Variants in SLC39A9 observed in about 807,000 individuals in gnomAD.
SLC39A9 encodes the protein zinc transporter ZIP9.
In SLC39A9, 14 loss-of-function variants were observed where a neutral mutation model predicts 28.4. That is an observed-to-expected ratio of 0.49 (90% CI 0.33 to 0.77). The LOEUF (loss-of-function observed/expected upper bound fraction) is 0.77, where lower values mean the gene tolerates loss of function less well. Ranked by LOEUF, SLC39A9 falls within the 30% of genes least tolerant of loss-of-function variation. The pLI, the probability that SLC39A9 is intolerant of heterozygous loss-of-function variation, is 0.02. For missense variants in SLC39A9, 283 were observed against 381.1 expected (o/e 0.74, Z 2.14); for synonymous variants, 119 against 149.6 (o/e 0.80, Z 1.49).
At chr14:69,402,690 GAAAA>G (rs1187767630) in intron 1 of SLC39A9, among the ~76,000 whole-genome samples, 1 of 151,336 alleles carries the variant, frequency 6.6e-6, no homozygotes. Context: ...TAAAACAAAG[GAAAA>G]AAAATCCGAT....
intron 2 of SLC39A9, among the ~76,000 whole-genome samples, chr14:69,438,918 A>T (rs540222222): frequency 1.3e-5 from 2 of 152,316 alleles, no homozygotes; most frequent in Admixed American, 1.3e-4. Context: ...AATAAAATAT[A>T]GGGGGCCCTA....
rs551033092 is a variant in SLC39A9 at position 69,442,096 on chromosome 14, A to G, written c.233A>G (p.His78Arg). The G allele has an allele frequency of 4.8e-5, 78 of 1,614,224 alleles. No individual in the cohort carries two copies. In the South Asian group the frequency reaches 7.7e-4, roughly 16 times the overall value. The change falls in exon 3 of 7, where the codon CAT (histidine) becomes CGT (arginine). Residue 78 changes from histidine (H) to arginine (R), a missense_variant. Physicochemically the swap from His to Arg is conservative, Grantham distance 29. Coordinates refer to ENST00000336643, the MANE Select transcript of SLC39A9 (RefSeq NM_018375.5). Reference sequence around the variant, plus strand: ...AAACACCACCAAGCAAGTGAAACACATAATGTGATTGCATCAGACAAAGCA... The same window carrying G: ...AAACACCACCAAGCAAGTGAAACACGTAATGTGATTGCATCAGACAAAGCA... ...EGKHHQASET[H>R]NVIASDKAAE...
intron 2 of SLC39A9, among the ~76,000 whole-genome samples, chr14:69,430,946 TTTTGGCTTTCCATAAACTTC>T (rs1387735479): frequency 6.6e-6 from 1 of 152,210 alleles, no homozygotes; most frequent in African/African-American, 2.4e-5. Context: ...TTGAAAATTG[TTTTGGCTTTCCATAAACTTC>T]TTTGCCTTTC....
At chr14:69,399,603 C>T in intron 1 of SLC39A9, 138 bp downstream of exon 1, 1 of 644,952 alleles carries the variant, frequency 1.6e-6, no homozygotes, top group South Asian at 2.0e-5. Context: ...TTAAAAGATA[C>T]ATGACACTTA....
At chr14:69,430,272 C>T (rs183966785) in intron 2 of SLC39A9, among the ~76,000 whole-genome samples, 2 of 152,104 alleles carry the variant, frequency 1.3e-5, no homozygotes, top group Non-Finnish European at 2.9e-5. Context: ...TTGCTGAGCC[C>T]GAATTCACAA....
chr14:69,454,762 ATTGTTG>A, intron 4 of SLC39A9, 44 bp from the exon 5 acceptor site: 1 of 1,463,766 alleles, frequency 6.8e-7, no homozygotes, highest in Non-Finnish European at 9.6e-7. Context: ...CTACACTGTT[ATTGTTG>A]TTGTTGTTTA....
At chr14:69,403,107 AAAAT>A (rs1221338876) in intron 1 of SLC39A9, among the ~76,000 whole-genome samples, 4 of 152,118 alleles carry the variant, frequency 2.6e-5, no homozygotes, top group African/African-American at 7.2e-5. Flanking sequence ...TAAATAAATA[AAAAT>A]AAATAAATAA....
intron 6 of SLC39A9, 62 bp downstream of exon 6, chr14:69,455,928 C>A: frequency 1.3e-6 from 2 of 1,562,730 alleles, no homozygotes; most frequent in South Asian, 1.2e-5. Flanking sequence ...AATTTATGAT[C>A]TCTTAGATTG....
In SLC39A9 at chr14:69,434,482, T is replaced by G. The variant is rs550130342; in HGVS notation, c.206-7587T>G. Among the ~76,000 whole-genome samples, 4 of 151,998 alleles carry G rather than the reference T, an allele frequency of 2.6e-5. No individual in the cohort carries two copies. The East Asian group carries it at 7.8e-4, about 30-fold the overall frequency. On this transcript the variant is annotated intron_variant, in intron 2 of 6. Transcript: ENST00000336643. ...AGCTGGATAACTTCAGACCAGGAGT[T>G]TGAGATTAACCTGAGCTACATATGA...
In SLC39A9 at chr14:69,422,193, A is replaced by G. The variant is rs563860794; in HGVS notation, c.97-1901A>G. Reference sequence around the variant, plus strand: ...TAAAAGAAACAAACAGATGAAGTTCATGATGTACCATTAAATTATTGAAAC... The same window carrying G: ...TAAAAGAAACAAACAGATGAAGTTCGTGATGTACCATTAAATTATTGAAAC... On this transcript the variant is annotated intron_variant, in intron 1 of 6. Coordinates refer to ENST00000336643, the MANE Select transcript of SLC39A9 (RefSeq NM_018375.5). Among the ~76,000 whole-genome samples, 12 of 152,350 alleles carry G rather than the reference A, an allele frequency of 7.9e-5. No homozygotes were observed. The South Asian group carries it at 2.5e-3, about 32-fold the overall frequency.
chr14:69,448,668 A>G (rs891980863), intron 3 of SLC39A9, among the ~76,000 whole-genome samples: 3 of 152,266 alleles, frequency 2.0e-5, no homozygotes. Flanking sequence ...GTGTGATTCT[A>G]GACTGGATCC....
chr14:69,460,210 G>A lies in SLC39A9; in HGVS notation c.*1617G>A, dbSNP rs1339396467. On this transcript the variant is annotated 3_prime_UTR_variant, in exon 7 of 7. Transcript: ENST00000336643. Reference sequence around the variant, plus strand: ...AGTGGACGTAGTAGTTTGTAAAAACGTTTTCTATGACGCATAAGCTAGCAT... The same window carrying A: ...AGTGGACGTAGTAGTTTGTAAAAACATTTTCTATGACGCATAAGCTAGCAT... 5.1e-6 allele frequency: 5 copies of A among 985,812 alleles called. No individual in the cohort carries two copies. The African/African-American group carries it at 5.2e-5, about 10-fold the overall frequency. 61.1% of individuals were successfully genotyped at this position (985,812 alleles called of 1,614,324 possible).
At chr14:69,454,264 CTTTAT>C (rs921435400) in intron 4 of SLC39A9, among the ~76,000 whole-genome samples, 2 of 152,094 alleles carry the variant, frequency 1.3e-5, no homozygotes, top group African/African-American at 4.8e-5. Flanking sequence ...GTTCTAGTAT[CTTTAT>C]TTTATTTATT....
intron 1 of SLC39A9, among the ~76,000 whole-genome samples, chr14:69,399,775 A>G (rs953514781): frequency 1.3e-5 from 2 of 152,150 alleles, no homozygotes; most frequent in Non-Finnish European, 2.9e-5. Flanking sequence ...ATTTCTTTTG[A>G]TTCTCAGAGG....
intron 2 of SLC39A9, among the ~76,000 whole-genome samples, chr14:69,433,824 C>T (rs140024705): frequency 5.9e-5 from 9 of 151,984 alleles, no homozygotes; most frequent in Admixed American, 3.9e-4. Context: ...CTCACTTTGT[C>T]GCCCAGGCTG....
chr14:69,426,869 TGTATA>T (rs1384764587), intron 2 of SLC39A9, among the ~76,000 whole-genome samples: 1 of 152,156 alleles, frequency 6.6e-6, no homozygotes, highest in African/African-American at 2.4e-5. Flanking sequence ...TGTTTGTAAG[TGTATA>T]GTGTATATAC....
intron 2 of SLC39A9, among the ~76,000 whole-genome samples, chr14:69,440,866 G>C (rs1885014960): frequency 6.6e-6 from 1 of 152,130 alleles, no homozygotes; most frequent in African/African-American, 2.4e-5. Flanking sequence ...TAGAGACGGG[G>C]ATTCACCATG....
chr14:69,442,025 T>C, intron 2 of SLC39A9, 44 bp from the exon 3 acceptor site: 1 of 1,586,210 alleles, frequency 6.3e-7, no homozygotes, highest in Non-Finnish European at 8.6e-7. Flanking sequence ...AAAATGTTTT[T>C]AGGGGAAAAA....
chr14:69,455,026 T>A, intron 5 of SLC39A9, 129 bp downstream of exon 5: 1 of 675,416 alleles, frequency 1.5e-6, no homozygotes, highest in South Asian at 2.3e-5. Context: ...TTTTGGAAAA[T>A]TGAATAAATC....
Sources: gnomAD v4.1 joint callset for allele counts (sites outside exome capture counted in the v4.1 genomes callset) on GRCh38, gnomAD v4.1.1 for gene constraint, MANE v1.5 for transcripts, NCBI Gene and HGNC (gene_info 2026-07-23, HGNC 2026-07-21) for gene names.